Variants in PSD observed in about 807,000 individuals in gnomAD.
PSD encodes the protein pleckstrin and Sec7 domain containing.
PSD carries 32 observed loss-of-function variants against 91.6 expected under a neutral mutation model. That is an observed-to-expected ratio of 0.35 (90% CI 0.26 to 0.47). The LOEUF (loss-of-function observed/expected upper bound fraction) is 0.47, where lower values mean the gene tolerates loss of function less well. Ranked by LOEUF, PSD falls within the 20% of genes least tolerant of loss-of-function variation. The probability of loss-of-function intolerance (pLI) is 1.00; values close to 1 mark genes in which losing one functional copy is unlikely to be tolerated. For synonymous variants in PSD, 532 were observed against 569.3 expected (o/e 0.93, Z 0.93); for missense variants, 1,099 against 1,373.9 (o/e 0.80, Z 3.16).
At chr10:102,417,143 A>G (rs2061491030) in intron 1 of PSD, 22 bp from the exon 2 acceptor site, 4 of 669,024 alleles carry the variant, frequency 6.0e-6, no homozygotes, top group Non-Finnish European at 1.0e-5. Flanking sequence ...GAAGGGGAGC[A>G]TGGGGTGAAC....
rs775843395 is a variant in PSD at position 102,413,908 on chromosome 10, A to G, written c.1414T>C (p.Ser472Pro). Residue 472 changes from serine (S) to proline (P), a missense_variant, in exon 5 of 17, where the codon TCT (serine) becomes CCT (proline). Ser to Pro is a moderately conservative substitution (Grantham distance 74). This residue lies in a region of PSD where 631 missense variants were observed against 728.8 expected (regional missense o/e 0.87). Coordinates refer to ENST00000020673, the MANE Select transcript of PSD (RefSeq NM_002779.5). ...APLEPDSGTSSAADGPWTQRG... is the reference protein window; with the variant it reads ...APLEPDSGTSPAADGPWTQRG... Reference sequence around the variant, plus strand: ...TGTGTCCAAGGACCATCAGCAGCAGAGCTGGTACCAGAATCCGGTTCAAGA... The same window carrying G: ...TGTGTCCAAGGACCATCAGCAGCAGGGCTGGTACCAGAATCCGGTTCAAGA... The G allele has an allele frequency of 1.2e-6, 2 of 1,612,982 alleles. No individual in the cohort carries two copies. Among genetic ancestry groups the G allele is most frequent in the Non-Finnish European group, 1.7e-6 (2 of 1,179,746 alleles).
At position 102,410,909 on chromosome 10, in the gene PSD, C is replaced by G; in HGVS notation, c.2040G>C (p.Gly680=). ...GKRMTCGDFI[G]NLEGLNDGGD... ...CGCCATCATTGAGGCCCTCCAGGTT[C>G]CCGATGAAGTCCCCGCAGGTCATGC... Residue 680 remains glycine (G), a synonymous_variant, in exon 10 of 17, where the codon GGG becomes GGC. Transcript: ENST00000020673. The surrounding 1 kb of genome is among the most constrained non-coding windows in gnomAD (Gnocchi z 6.0). The G allele has an allele frequency of 6.2e-7, 1 of 1,613,994 alleles. No homozygotes were observed. The highest frequency in any genetic ancestry group is 8.5e-7 in the Non-Finnish European group (1 of 1,179,910).
Position 102,404,667 on chromosome 10 carries a change from A to T in PSD, c.2616T>A (p.Ser872=). The T allele has an allele frequency of 6.2e-7, 1 of 1,610,882 alleles. No homozygotes were observed. Among genetic ancestry groups the T allele is most frequent in the Non-Finnish European group, 8.5e-7 (1 of 1,178,388 alleles). ...TRINVVAAMF[S]APPFPAAVSS... The stretch of plus-strand genomic sequence containing the variant: ...TAACAGCAGCTGGGAAGGGGGGCGC[A>T]GAGAACATAGCGGCTACTACATTGA... The change falls in exon 15 of 17, where the codon TCT becomes TCA. Residue 872 remains serine, a synonymous_variant. Coordinates refer to ENST00000020673, the MANE Select transcript of PSD (RefSeq NM_002779.5). This position sits in a 1 kb window ranked among gnomAD's most constrained non-coding sequence, Gnocchi z 5.7.
In PSD at chr10:102,403,722, T is replaced by C. The variant is rs1228348107; in HGVS notation, c.2844+120A>G. The stretch of plus-strand genomic sequence containing the variant: ...ATCCTTGTTGCACAGAGGAGGAAAC[T>C]GAGGCTTAGGTTAAGCAACCTGCCC... On this transcript the variant is annotated intron_variant, in intron 16 of 16. Coordinates refer to ENST00000020673, the MANE Select transcript of PSD (RefSeq NM_002779.5). This position sits in a 1 kb window ranked among gnomAD's most constrained non-coding sequence, Gnocchi z 6.7. 3.2e-5 allele frequency: 42 copies of C among 1,311,178 alleles called. No individual in the cohort carries two copies. Among genetic ancestry groups the C allele is most frequent in the Non-Finnish European group, 2.1e-6 (2 of 972,796 alleles). The allele number at this position is 1,311,178 out of a possible 1,614,324, so 81.2% of individuals were successfully genotyped here.
Position 102,409,248 on chromosome 10 carries a change from C to T in PSD, c.2091+1610G>A, listed in dbSNP as rs2061400333. Reference sequence around the variant, plus strand: ...CCGGCTCTCACGGACGCACGGAGTGCGCGGCGGCGGCGGCGGCGCTGTCTG... The same window carrying T: ...CCGGCTCTCACGGACGCACGGAGTGTGCGGCGGCGGCGGCGGCGCTGTCTG... On this transcript the variant is annotated intron_variant, in intron 10 of 16. Transcript: ENST00000020673. The surrounding 1 kb of genome is among the most constrained non-coding windows in gnomAD (Gnocchi z 5.7). 1.6e-5 allele frequency: 16 copies of T among 984,510 alleles called. No individual in the cohort carries two copies. The highest frequency in any genetic ancestry group is 1.7e-5 in the Non-Finnish European group (14 of 829,444). The allele number at this position is 984,510 out of a possible 1,614,324, so 61.0% of individuals were successfully genotyped here.
chr10:102,403,561 T>C lies in PSD; in HGVS notation c.2845-131A>G, dbSNP rs1185893645. On this transcript the variant is annotated intron_variant, in intron 16 of 16. Transcript: ENST00000020673. The surrounding 1 kb of genome is among the most constrained non-coding windows in gnomAD (Gnocchi z 6.7). ...CACCCAGGACTGTGAGATGGTCCCA[T>C]GCGGGCTGGTGCCCCCTCTGGGCTC... 8.8e-6 allele frequency: 8 copies of C among 909,370 alleles called. No homozygotes were observed. The highest frequency in any genetic ancestry group is 4.9e-6 in the Non-Finnish European group (3 of 615,044). The allele number at this position is 909,370 out of a possible 1,614,324, so 56.3% of individuals were successfully genotyped here.
chr10:102,409,075 G>A lies in PSD; in HGVS notation c.2091+1783C>T, dbSNP rs2061397351. 1 of 985,208 alleles carries A rather than the reference G, an allele frequency of 1.0e-6. No individual in the cohort carries two copies. The highest frequency in any genetic ancestry group is 1.7e-5 in the African/African-American group (1 of 57,254). 61.0% of individuals were successfully genotyped at this position (985,208 alleles called of 1,614,324 possible). On this transcript the variant is annotated intron_variant, in intron 10 of 16. Transcript: ENST00000020673. This position sits in a 1 kb window ranked among gnomAD's most constrained non-coding sequence, Gnocchi z 5.7. ...GCAGCCGCCCGGCGCTGCTGTGGATGCTGTTGACGCCGATCATGCTGGCCC... is the reference window on the plus strand; with the variant it reads ...GCAGCCGCCCGGCGCTGCTGTGGATACTGTTGACGCCGATCATGCTGGCCC...
chr10:102,405,082 C>T lies in PSD; in HGVS notation c.2398-27G>A. On this transcript the variant is annotated intron_variant, in intron 13 of 16. Transcript: ENST00000020673. The surrounding 1 kb of genome is among the most constrained non-coding windows in gnomAD (Gnocchi z 5.4). The stretch of plus-strand genomic sequence containing the variant: ...TGCAGGGGTGTCCATCTTGTCCTGG[C>T]CCCAAATGCAGCCTGGCCCAGCCCC... The T allele has an allele frequency of 1.2e-6, 2 of 1,612,506 alleles. No individual in the cohort carries two copies. Among genetic ancestry groups the T allele is most frequent in the East Asian group, 2.2e-5 (1 of 44,858 alleles).
intron 9 of PSD, 54 bp downstream of exon 9, chr10:102,411,004 G>C: frequency 6.2e-7 from 1 of 1,612,922 alleles, no homozygotes; most frequent in Non-Finnish European, 8.5e-7. Context: ...CCCAGGTCCT[G>C]CATGTCTGGC....
chr10:102,408,439 C>G (rs1343469336), intron 10 of PSD, among the ~76,000 whole-genome samples: 1 of 152,182 alleles, frequency 6.6e-6, no homozygotes, highest in East Asian at 1.9e-4. Flanking sequence ...CCAGCACAAC[C>G]AAGGCAAATC....
Position 102,411,097 on chromosome 10 carries a change from G to T in PSD, c.1962C>A (p.Thr654=). The change falls in exon 9 of 17, where the codon ACC becomes ACA. Residue 654 remains threonine (T), a synonymous_variant. Transcript: ENST00000020673. The stretch of plus-strand genomic sequence containing the variant: ...CCGTGTTGAGCAGCATGAGCGCACA[G>T]GTCAGCGTGTGGGCGCCGTCTAGGG... ...LSSEDGAHTL[T]CALMLLNTDL... The T allele has an allele frequency of 6.2e-7, 1 of 1,610,398 alleles. No individual in the cohort carries two copies. Among genetic ancestry groups the T allele is most frequent in the Admixed American group, 1.7e-5 (1 of 59,926 alleles).
At chr10:102,407,301 G>C in intron 10 of PSD, 35 bp from the exon 11 acceptor site, 2 of 1,448,306 alleles carry the variant, frequency 1.4e-6, no homozygotes, top group Non-Finnish European at 1.9e-6. Context: ...GGGGGTTGTG[G>C]GTCAGTACCG....
intron 7 of PSD, 48 bp from the exon 8 acceptor site, chr10:102,411,867 CCT>C (rs2135456753): frequency 7.1e-7 from 1 of 1,406,380 alleles, no homozygotes; most frequent in South Asian, 1.2e-5. Flanking sequence ...GAGTTTCCAG[CCT>C]CTGTCTCTGG....
At position 102,414,178 on chromosome 10, in the gene PSD, G is replaced by C. The variant is rs2061452329; in HGVS notation, c.1144C>G (p.Leu382Val). ...EGARPGSRMP[L>V]KSPVPFLPGT... ...GGTAGAAAGGGCACAGGTGACTTGAGAGGCATCCGGCTCCCTGGCCTGCAG... is the reference window on the plus strand; with the variant it reads ...GGTAGAAAGGGCACAGGTGACTTGACAGGCATCCGGCTCCCTGGCCTGCAG... Residue 382 changes from leucine (L) to valine (V), a missense_variant, in exon 5 of 17, where the codon CTC (leucine) becomes GTC (valine). By Grantham distance (32) the Leu-to-Val change is conservative. Around this residue, in one of 3 missense-constraint regions of PSD, gnomAD observed 631 missense variants for 728.8 expected, o/e 0.87. Transcript: ENST00000020673. The surrounding 1 kb of genome is among the most constrained non-coding windows in gnomAD (Gnocchi z 5.6). The C allele has an allele frequency of 6.2e-7, 1 of 1,610,064 alleles. No individual in the cohort carries two copies. The highest frequency in any genetic ancestry group is 1.3e-5 in the African/African-American group (1 of 74,940).
chr10:102,418,887 C>T (rs2061521156), upstream of PSD: 17 of 350,014 alleles, frequency 4.9e-5, no homozygotes, highest in South Asian at 3.2e-4. Flanking sequence ...GGGCCCAGAG[C>T]CCCGGAGGCT....
At chr10:102,408,883 C>G in intron 10 of PSD, 10 of 987,120 alleles carry the variant, frequency 1.0e-5, no homozygotes, top group Non-Finnish European at 1.2e-5. Context: ...GCCGCGGCCC[C>G]AACGCCCTCA....
chr10:102,411,176 T>C, intron 8 of PSD, 60 bp from the exon 9 acceptor site: 2 of 1,501,706 alleles, frequency 1.3e-6, no homozygotes, highest in Non-Finnish European at 1.8e-6. Flanking sequence ...CACAGCCATC[T>C]TCCCCAACCT....
intron 11 of PSD, among the ~76,000 whole-genome samples, chr10:102,406,511 T>C (rs1361384404): frequency 6.7e-6 from 1 of 149,466 alleles, no homozygotes; most frequent in African/African-American, 2.5e-5. Context: ...CTTTTTTCTT[T>C]TTTTTTTTTT....
rs759713593 is a variant in PSD, at chr10:102,403,898, CCTT to C, written c.2785_2787del (p.Lys929del). The C allele has an allele frequency of 1.2e-6, 2 of 1,605,724 alleles. No homozygotes were observed. Among genetic ancestry groups the C allele is most frequent in the East Asian group, 2.2e-5 (1 of 44,636 alleles). On this transcript the variant is annotated inframe_deletion, in exon 16 of 17. Coordinates refer to ENST00000020673, the MANE Select transcript of PSD (RefSeq NM_002779.5). This position sits in a 1 kb window ranked among gnomAD's most constrained non-coding sequence, Gnocchi z 6.7. ...TGCTCTTCAGCCTCCTTGCCCCGGC[CCTT>C]CTTGCCCAGCTGGGCGGCCCGGTGC...
Sources: allele counts gnomAD v4.1 joint callset (sites outside exome capture counted in the v4.1 genomes callset), GRCh38; gene constraint gnomAD v4.1.1; regional missense constraint gnomAD v4.1.1; non-coding constraint Gnocchi (gnomAD v3.1); transcripts MANE v1.5; gene names NCBI Gene and HGNC (gene_info 2026-07-23, HGNC 2026-07-21).